The following C8orf34 variants were observed in gnomAD, a reference collection of about 807,000 sequenced individuals.
C8orf34 encodes the protein chromosome 8 open reading frame 34.
Under a neutral mutation model 68.3 loss-of-function variants are expected in C8orf34, and 65 were observed. The observed-to-expected ratio is 0.95, with a 90% CI of 0.78 to 1.17. The LOEUF is 1.17. Ranked by LOEUF, C8orf34 falls within the 50% of genes most tolerant of loss-of-function variation. C8orf34 has a pLI of 0.00. For synonymous variants in C8orf34, 244 were observed against 241.2 expected (o/e 1.01, Z -0.11); for missense variants, 664 against 655.4 (o/e 1.01, Z -0.14).
At chr8:68,502,200 G>A (rs574707627) in intron 5 of C8orf34, among the ~76,000 whole-genome samples, 166 of 152,262 alleles carry the variant, frequency 1.1e-3, no homozygotes, top group African/African-American at 3.7e-3. Context: ...TGAATAGCTG[G>A]GATTACAGGC....
At chr8:68,658,342 A>G (rs191759935) in intron 8 of C8orf34, among the ~76,000 whole-genome samples, 4 of 152,190 alleles carry the variant, frequency 2.6e-5, no homozygotes, top group Admixed American at 6.5e-5. Flanking sequence ...GTTCCATTCA[A>G]TTTGAAGAGG....
rs183126944 is a variant in C8orf34 at position 68,409,033 on chromosome 8, C to T, written c.328-30466C>T. Among the ~76,000 whole-genome samples, 956 of 152,138 alleles carry T rather than the reference C, an allele frequency of 6.3e-3. 5 individuals carry two copies. Among genetic ancestry groups the T allele is most frequent in the Non-Finnish European group, 9.6e-3 (655 of 67,994 alleles). On this transcript the variant is annotated intron_variant, in intron 1 of 13. Coordinates refer to ENST00000518698, the MANE Select transcript of C8orf34 (RefSeq NM_052958.4). Reference sequence around the variant, plus strand: ...TGAACTCCTGACCTCATGATACACCCGCCTTGGCCTCCCAAAGTGCTGGGA... The same window carrying T: ...TGAACTCCTGACCTCATGATACACCTGCCTTGGCCTCCCAAAGTGCTGGGA...
chr8:68,488,451 A>G (rs1195167571), intron 5 of C8orf34, among the ~76,000 whole-genome samples: 1 of 152,060 alleles, frequency 6.6e-6, no homozygotes, highest in Non-Finnish European at 1.5e-5. Context: ...TTGTTTGTTT[A>G]TTTTAATTTT....
At chr8:68,764,958 A>G (rs1446851995) in intron 10 of C8orf34, among the ~76,000 whole-genome samples, 1 of 152,224 alleles carries the variant, frequency 6.6e-6, no homozygotes, top group African/African-American at 2.4e-5. Flanking sequence ...ACACAAAAAT[A>G]AGAGATAAAC....
At chr8:68,509,610 T>G (rs73266559) in intron 5 of C8orf34, among the ~76,000 whole-genome samples, 34,251 of 151,834 alleles carry the variant, frequency 0.23, 6,025 homozygotes, top group African/African-American at 0.5. Context: ...GGAGGAGAAA[T>G]AAAAAAGAAG....
intron 1 of C8orf34, among the ~76,000 whole-genome samples, chr8:68,375,125 A>T (rs1171748854): frequency 6.6e-6 from 1 of 152,210 alleles, no homozygotes; most frequent in African/African-American, 2.4e-5. Flanking sequence ...TTATTGGACT[A>T]GCTCAATTTT....
chr8:68,720,381 T>C (rs1821636392), intron 9 of C8orf34, among the ~76,000 whole-genome samples: 1 of 151,916 alleles, frequency 6.6e-6, no homozygotes, highest in Admixed American at 6.6e-5. Flanking sequence ...CTTTCCATTA[T>C]CTCCCTGGTG....
intron 10 of C8orf34, among the ~76,000 whole-genome samples, chr8:68,751,125 T>C (rs138063602): frequency 3.3e-5 from 5 of 152,286 alleles, no homozygotes; most frequent in South Asian, 2.1e-4. Flanking sequence ...GACTCTATTA[T>C]TGAATATCTC....
Position 68,787,498 on chromosome 8 carries a change from A to T in C8orf34, c.1511A>T (p.Asp504Val), listed in dbSNP as rs745763300. 1 of 1,612,660 alleles carries T rather than the reference A, an allele frequency of 6.2e-7. No homozygotes were observed. The highest frequency in any genetic ancestry group is 8.5e-7 in the Non-Finnish European group (1 of 1,179,040). The change falls in exon 12 of 14, where the codon GAC (aspartate) becomes GTC (valine). Residue 504 changes from aspartate (D) to valine (V), a missense_variant. Physicochemically the swap from Asp to Val is radical, Grantham distance 152 (BLOSUM62 -3). Coordinates refer to ENST00000518698, the MANE Select transcript of C8orf34 (RefSeq NM_052958.4). Reference sequence around the variant, plus strand: ...CATCAACCATGGATCTTGCCAAGTGACACAGAAAGTGAAGGAGTGGAAGCA... The same window carrying T: ...CATCAACCATGGATCTTGCCAAGTGTCACAGAAAGTGAAGGAGTGGAAGCA... ...VVHQPWILPS[D>V]TESEGVEAEQ...
chr8:68,546,285 T>G (rs528218616), intron 7 of C8orf34, among the ~76,000 whole-genome samples: 1 of 152,098 alleles, frequency 6.6e-6, no homozygotes, highest in South Asian at 2.1e-4. Flanking sequence ...GTTGTCAGAC[T>G]GGATAAACGA....
At chr8:68,548,381 T>G (rs1815955698) in intron 7 of C8orf34, among the ~76,000 whole-genome samples, 1 of 151,760 alleles carries the variant, frequency 6.6e-6, no homozygotes, top group Admixed American at 6.6e-5. Context: ...GGAAATGTAA[T>G]AGGCACTTCT....
At chr8:68,360,978 C>T (rs771236086) in intron 1 of C8orf34, among the ~76,000 whole-genome samples, 87 of 152,142 alleles carry the variant, frequency 5.7e-4, no homozygotes, top group Middle Eastern at 3.4e-3. Context: ...TGGTCTCAAA[C>T]TCCTGACCTC....
chr8:68,401,935 G>T (rs1276174153), intron 1 of C8orf34, among the ~76,000 whole-genome samples: 1 of 151,854 alleles, frequency 6.6e-6, no homozygotes, highest in Non-Finnish European at 1.5e-5. Context: ...CATAGAATGA[G>T]TTAGAGAGAA....
chr8:68,330,803 A>T (rs1585921901), upstream of C8orf34: 1 of 476,484 alleles, frequency 2.1e-6, no homozygotes, highest in East Asian at 3.7e-5. Flanking sequence ...GGACACACAC[A>T]CACACGCACG....
chr8:68,732,231 G>A (rs951812276), intron 10 of C8orf34, among the ~76,000 whole-genome samples: 3 of 152,072 alleles, frequency 2.0e-5, no homozygotes, highest in African/African-American at 7.2e-5. Flanking sequence ...ATATTTACCA[G>A]GAATCTCCTA....
chr8:68,445,075 C>T (rs1157655324), intron 2 of C8orf34, among the ~76,000 whole-genome samples: 2 of 152,246 alleles, frequency 1.3e-5, no homozygotes, highest in South Asian at 2.1e-4. Flanking sequence ...GGAAATACTT[C>T]CTGGGTTCTA....
intron 12 of C8orf34, among the ~76,000 whole-genome samples, chr8:68,802,050 A>G (rs1447511100): frequency 6.6e-6 from 1 of 152,182 alleles, no homozygotes; most frequent in Non-Finnish European, 1.5e-5. Flanking sequence ...TTAGCATTAT[A>G]TTATAAATAT....
chr8:68,538,497 C>T (rs1402093263), intron 7 of C8orf34, among the ~76,000 whole-genome samples: 1 of 149,024 alleles, frequency 6.7e-6, no homozygotes, highest in Non-Finnish European at 1.5e-5. Context: ...TCATGGCTAA[C>T]AGGAATATTT....
At chr8:68,570,793 T>A (rs369266492) in intron 7 of C8orf34, among the ~76,000 whole-genome samples, 47 of 152,280 alleles carry the variant, frequency 3.1e-4, no homozygotes, top group African/African-American at 1.0e-3. Flanking sequence ...TTTAACAAGA[T>A]CCCATTGTCA....
Sources: gnomAD v4.1 joint callset for allele counts (sites outside exome capture counted in the v4.1 genomes callset) on GRCh38, gnomAD v4.1.1 for gene constraint, MANE v1.5 for transcripts, NCBI Gene and HGNC (gene_info 2026-07-23, HGNC 2026-07-21) for gene names.